The following CGNL1 variants were observed in gnomAD, a reference collection of about 807,000 sequenced individuals.
CGNL1 encodes cingulin-like protein 1.
In CGNL1, 132 loss-of-function variants were observed where a neutral mutation model predicts 141.2. The ratio of observed to expected loss-of-function variants is 0.93; its 90% CI spans 0.81 to 1.08. The LOEUF is 1.08. Among genes scored for constraint, CGNL1 ranks in the 50% least tolerant of loss-of-function variants. The pLI is 0.00. For missense variants in CGNL1, 1,870 were observed against 1,588.6 expected (o/e 1.18, Z -3.01); for synonymous variants, 690 against 622.1 (o/e 1.11, Z -1.63).
intron 1 of CGNL1, among the ~76,000 whole-genome samples, chr15:57,383,062 T>C (rs1230540924): frequency 1.3e-5 from 2 of 152,158 alleles, no homozygotes; most frequent in Non-Finnish European, 2.9e-5. Flanking sequence ...CTATAAACAA[T>C]GACTTACTCA....
At chr15:57,516,035 T>G (rs1420145276) in intron 8 of CGNL1, among the ~76,000 whole-genome samples, 1 of 151,376 alleles carries the variant, frequency 6.6e-6, no homozygotes, top group African/African-American at 2.4e-5. Flanking sequence ...GGCGGGCGCC[T>G]GTAGTCCCAG....
chr15:57,528,285 C>T (rs1283947982), intron 12 of CGNL1, among the ~76,000 whole-genome samples: 1 of 151,958 alleles, frequency 6.6e-6, no homozygotes, highest in Admixed American at 6.6e-5. Flanking sequence ...AAAACTATAT[C>T]TTGCAACCCA....
intron 8 of CGNL1, among the ~76,000 whole-genome samples, chr15:57,468,420 C>G (rs2063538296): frequency 6.6e-6 from 1 of 151,596 alleles, no homozygotes; most frequent in Non-Finnish European, 1.5e-5. Context: ...TTTGTAAAGA[C>G]AGGGTTTTAC....
intron 8 of CGNL1, among the ~76,000 whole-genome samples, chr15:57,509,782 A>C (rs2030077033): frequency 6.6e-6 from 1 of 152,186 alleles, no homozygotes; most frequent in Admixed American, 6.5e-5. Context: ...CCTTCTTTTA[A>C]AATTGGTAAT....
At chr15:57,530,197 G>A (rs1281477131) in intron 13 of CGNL1, among the ~76,000 whole-genome samples, 4 of 152,230 alleles carry the variant, frequency 2.6e-5, no homozygotes, top group Non-Finnish European at 5.9e-5. Flanking sequence ...TTATAAAGAG[G>A]TGCTTTTAGC....
At chr15:57,484,306 T>C (rs1486246800) in intron 8 of CGNL1, among the ~76,000 whole-genome samples, 2 of 152,224 alleles carry the variant, frequency 1.3e-5, no homozygotes, top group Non-Finnish European at 2.9e-5. Context: ...ATTCAAATTA[T>C]TATATTTAAT....
chr15:57,508,003 C>G (rs73421901), intron 8 of CGNL1, among the ~76,000 whole-genome samples: 4,836 of 152,244 alleles, frequency 0.032, 263 homozygotes, highest in African/African-American at 0.11. Flanking sequence ...GGGATCTGGT[C>G]TAGAATTCAC....
chr15:57,461,381 T>C (rs1759660974), intron 7 of CGNL1, among the ~76,000 whole-genome samples: 1 of 152,086 alleles, frequency 6.6e-6, no homozygotes, highest in Admixed American at 6.5e-5. Flanking sequence ...TGAAATGAGA[T>C]GGAAGATACA....
At chr15:57,456,261 G>T (rs1414626462) in intron 7 of CGNL1, among the ~76,000 whole-genome samples, 7 of 152,200 alleles carry the variant, frequency 4.6e-5, no homozygotes, top group African/African-American at 1.7e-4. Context: ...AACACAATGA[G>T]CATTAAACAC....
At chr15:57,398,044 G>T (rs1351785288) in intron 1 of CGNL1, among the ~76,000 whole-genome samples, 1 of 152,132 alleles carries the variant, frequency 6.6e-6, no homozygotes, top group Admixed American at 6.5e-5. Flanking sequence ...GCTTCCCAAA[G>T]TGCTGGGATT....
chr15:57,438,259 A>C lies in CGNL1; in HGVS notation c.260A>C (p.His87Pro). ...PPPVINNLPL[H>P]SSNGSVPKEN... ...CCAGTGATAAATAACCTGCCTCTAC[A>C]TTCCAGCAATGGTTCTGTGCCAAAG... The change falls in exon 2 of 19, where the codon CAT becomes CCT. Residue 87 changes from histidine to proline, a missense_variant. Physicochemically the swap from His to Pro is moderately conservative, Grantham distance 77. Coordinates refer to ENST00000281282, the MANE Select transcript of CGNL1 (RefSeq NM_032866.5). 6.2e-7 allele frequency: 1 copy of C among 1,614,178 alleles called. No homozygotes were observed. The highest frequency in any genetic ancestry group is 8.5e-7 in the Non-Finnish European group (1 of 1,180,024).
At chr15:57,458,688 T>TG (rs1284777270) in intron 7 of CGNL1, among the ~76,000 whole-genome samples, 1 of 152,102 alleles carries the variant, frequency 6.6e-6, no homozygotes, top group Non-Finnish European at 1.5e-5. Flanking sequence ...CAGGAAGCCC[T>TG]GGGGGGTAGC....
intron 1 of CGNL1, among the ~76,000 whole-genome samples, chr15:57,378,422 C>T (rs1463345498): frequency 3.3e-5 from 4 of 121,672 alleles, no homozygotes. Context: ...GCTCTTGTCG[C>T]CCAGGCTGGA....
intron 7 of CGNL1, among the ~76,000 whole-genome samples, chr15:57,456,238 G>C (rs2063377782): frequency 6.6e-6 from 1 of 152,116 alleles, no homozygotes; most frequent in Non-Finnish European, 1.5e-5. Context: ...CAGTTAGCTT[G>C]GAACAAACTC....
chr15:57,472,896 G>A (rs1239084157), intron 8 of CGNL1, among the ~76,000 whole-genome samples: 1 of 152,174 alleles, frequency 6.6e-6, no homozygotes, highest in Non-Finnish European at 1.5e-5. Flanking sequence ...GGTCAGCGGT[G>A]GGAATACATT....
At chr15:57,545,845 A>T (rs1420687498) in intron 17 of CGNL1, 145 bp downstream of exon 17, 4 of 777,976 alleles carry the variant, frequency 5.1e-6, no homozygotes, top group Non-Finnish European at 8.3e-6. Flanking sequence ...ACATCATCAA[A>T]TGGGGGCTTC....
At chr15:57,478,279 G>A (rs1438729474) in intron 8 of CGNL1, 1 of 152,226 alleles carries the variant, frequency 6.6e-6, no homozygotes, top group Non-Finnish European at 1.5e-5. Flanking sequence ...CTGTAGGAGA[G>A]GCGGCAGAAC....
intron 1 of CGNL1, among the ~76,000 whole-genome samples, chr15:57,383,565 TG>T (rs1325011755): frequency 6.6e-6 from 1 of 151,838 alleles, no homozygotes; most frequent in African/African-American, 2.4e-5. Flanking sequence ...CCCAAAGTGC[TG>T]GGATTACAGG....
intron 1 of CGNL1, among the ~76,000 whole-genome samples, chr15:57,388,579 C>A (rs934521554): frequency 6.6e-6 from 1 of 152,234 alleles, no homozygotes; most frequent in African/African-American, 2.4e-5. Flanking sequence ...TGTACTGACA[C>A]TTCACTTTGG....
Sources: gnomAD v4.1 joint callset for allele counts (sites outside exome capture counted in the v4.1 genomes callset) on GRCh38, gnomAD v4.1.1 for gene constraint, MANE v1.5 for transcripts, NCBI Gene and HGNC (gene_info 2026-07-23, HGNC 2026-07-21) for gene names.